Variants in HMCN2 observed in about 807,000 individuals in gnomAD.
HMCN2 encodes hemicentin 2.
In HMCN2, 325 loss-of-function variants were observed where a neutral mutation model predicts 377.5. That is an observed-to-expected ratio of 0.86 (90% confidence interval 0.79 to 0.94). The LOEUF is 0.94. Ranked by LOEUF, HMCN2 falls within the 40% of genes least tolerant of loss-of-function variation. The pLI is 0.00. For synonymous variants in HMCN2, 2,007 were observed against 2,046.8 expected, an observed-to-expected ratio of 0.98 and a Z score of 0.53; for missense variants, 4,543 against 4,725.3, an observed-to-expected ratio of 0.96 and a Z score of 1.13.
chr9:130,354,246 G>C (rs982200572), intron 31 of HMCN2, among the ~76,000 whole-genome samples: 2 of 152,056 alleles, frequency 1.3e-5, no homozygotes, highest in African/African-American at 4.8e-5. Flanking sequence ...TTTCCCCTTT[G>C]GCGTGGCCAC....
At position 130,348,587 on chromosome 9, in the gene HMCN2, C is replaced by T. The variant is rs559611061; in HGVS notation, c.4067C>T (p.Ser1356Leu). The T allele has an allele frequency of 2.4e-4, 313 of 1,303,698 alleles. No individual in the cohort carries two copies. The African/African-American group carries it at 4.4e-3, about 18-fold the overall frequency. The allele number at this position is 1,303,698 out of a possible 1,614,324, so 80.8% of individuals were successfully genotyped here. A position where few individuals can be genotyped will look rare whatever the true frequency, so the allele number is the denominator to read the frequency against. ...GAGGACGGGCGCAAGGCCAACGTGT[C>T]GGGTATGGCCGGGCAGTCCCTGACG... Reference protein sequence around the residue: ...IREDGRKANVSGMAGQSLTLE... With the variant: ...IREDGRKANVLGMAGQSLTLE... Residue 1356 changes from serine (S) to leucine (L), a missense_variant, in exon 27 of 98, where the codon TCG (serine) becomes TTG (leucine). Coordinates refer to ENST00000683500, the MANE Select transcript of HMCN2 (RefSeq NM_001291815.2).
intron 22 of HMCN2, among the ~76,000 whole-genome samples, chr9:130,328,873 A>G (rs2131427757): frequency 6.6e-6 from 1 of 152,274 alleles, no homozygotes; most frequent in African/African-American, 2.4e-5. Context: ...TCCCTTTCGT[A>G]TGATTTCCCT....
chr9:130,289,591 C>T (rs1002374856), intron 4 of HMCN2, among the ~76,000 whole-genome samples: 48 of 152,114 alleles, frequency 3.2e-4, no homozygotes, highest in African/African-American at 1.2e-3. Flanking sequence ...TTAACGAGAG[C>T]CCCTACCTGG....
Position 130,428,634 on chromosome 9 carries a change from G to A in HMCN2, c.14197+145G>A. The A allele has an allele frequency of 8.2e-7, 1 of 1,217,946 alleles. No homozygotes were observed. Among genetic ancestry groups the A allele is most frequent in the Non-Finnish European group, 1.1e-6 (1 of 891,982 alleles). The allele number at this position is 1,217,946 out of a possible 1,614,324, so 75.4% of individuals were successfully genotyped here. Reference sequence around the variant, plus strand: ...TGGCAGAAGGAGTACAGCAAGGCTGGGGACAAAGCCTGCGCCAGGCTCTGG... The same window carrying A: ...TGGCAGAAGGAGTACAGCAAGGCTGAGGACAAAGCCTGCGCCAGGCTCTGG... On this transcript the variant is annotated intron_variant, in intron 93 of 97. Coordinates refer to ENST00000683500, the MANE Select transcript of HMCN2 (RefSeq NM_001291815.2). The surrounding 1 kb of genome is among the most constrained non-coding windows in gnomAD (Gnocchi z 5.0).
At position 130,377,704 on chromosome 9, in the gene HMCN2, T is replaced by A; in HGVS notation, c.8117T>A (p.Ile2706Asn). Reference sequence around the variant, plus strand: ...CTGGGTGAAGGGCGACTGCTCCAGATCCAGCCCACACAGGTCTCAGACTCG... The same window carrying A: ...CTGGGTGAAGGGCGACTGCTCCAGAACCAGCCCACACAGGTCTCAGACTCG... ...QVLGEGRLLQ[I>N]QPTQVSDSGR... is the part of the protein sequence containing the mutation. The change falls in exon 53 of 98, where the codon ATC becomes AAC. Residue 2706 changes from isoleucine to asparagine, a missense_variant. Around this residue, in one of 5 missense-constraint regions of HMCN2, gnomAD observed 736 missense variants for 773.2 expected, o/e 0.95. Transcript: ENST00000683500. 1 of 985,920 alleles carries A rather than the reference T, an allele frequency of 1.0e-6. No homozygotes were observed. The highest frequency in any genetic ancestry group is 4.7e-5 in the South Asian group (1 of 21,290). The allele number at this position is 985,920 out of a possible 1,614,324, so 61.1% of individuals were successfully genotyped here.
chr9:130,402,817 C>G lies in HMCN2; in HGVS notation c.11799C>G (p.Pro3933=). The change falls in exon 78 of 98, where the codon CCC becomes CCG. Residue 3933 remains proline (P), a synonymous_variant. Coordinates refer to ENST00000683500, the MANE Select transcript of HMCN2 (RefSeq NM_001291815.2). ...SGALEIGQAL[P]IHAGRYTCSA... is the part of the protein sequence containing the mutation. ...CCCTGGAGATCGGGCAGGCCCTCCC[C>G]ATCCACGCAGGCCGCTACACCTGCT... is the stretch of plus-strand genomic sequence containing the variant. 7.8e-7 allele frequency: 1 copy of G among 1,289,780 alleles called. No homozygotes were observed. The highest frequency in any genetic ancestry group is 2.3e-5 in the Admixed American group (1 of 43,560). 79.9% of individuals were successfully genotyped at this position (1,289,780 alleles called of 1,614,324 possible).
At chr9:130,420,467 T>C (rs1588434459) in intron 86 of HMCN2, among the ~76,000 whole-genome samples, 2 of 151,628 alleles carry the variant, frequency 1.3e-5, no homozygotes, top group African/African-American at 4.9e-5. Flanking sequence ...GGGCTACTGG[T>C]AAAAAAACAA....
chr9:130,396,112 T>TCTCCCCCCCCC, intron 72 of HMCN2, 47 bp downstream of exon 72: 1 of 314,996 alleles, frequency 3.2e-6, no homozygotes, highest in Non-Finnish European at 3.9e-6. Context: ...TACCCCACCC[T>TCTCCCCCCCCC]GCCCACCCCC....
rs1331958115 is a variant in HMCN2 at position 130,270,516 on chromosome 9, A to G, written c.259+4379A>G. The stretch of plus-strand genomic sequence containing the variant: ...CAGGAGGTCAAGGTTGCAGGGAGCT[A>G]TGATTGTGCCACTGCCCTCCAGCCT... On this transcript the variant is annotated intron_variant, in intron 1 of 97. Coordinates refer to ENST00000683500, the MANE Select transcript of HMCN2 (RefSeq NM_001291815.2). Among the ~76,000 whole-genome samples, 29 of 148,164 alleles carry G rather than the reference A, an allele frequency of 2.0e-4. 2 individuals are homozygous for G. The highest frequency in any genetic ancestry group is 5.4e-4 in the Admixed American group (8 of 14,776).
intron 85 of HMCN2, among the ~76,000 whole-genome samples, chr9:130,418,461 C>T (rs1228588741): frequency 1.3e-5 from 2 of 152,076 alleles, no homozygotes; most frequent in South Asian, 2.1e-4. Flanking sequence ...ATGGGAGGAT[C>T]GCTTGAACCC....
In HMCN2 at chr9:130,423,089, A is replaced by T. The variant is rs1343607454; in HGVS notation, c.13381+363A>T. ...TTTAAGTTAAAGCTCAGGCTGATGGAAGTGGAGGGATCTCCAGTCATGAGT... is the reference window on the plus strand; with the variant it reads ...TTTAAGTTAAAGCTCAGGCTGATGGTAGTGGAGGGATCTCCAGTCATGAGT... On this transcript the variant is annotated intron_variant, in intron 87 of 97. Transcript: ENST00000683500. This position sits in a 1 kb window ranked among gnomAD's most constrained non-coding sequence, Gnocchi z 5.5. Among the ~76,000 whole-genome samples the T allele has an allele frequency of 6.6e-6, 1 of 152,152 alleles. No individual in the cohort carries two copies. The highest frequency in any genetic ancestry group is 6.5e-5 in the Admixed American group (1 of 15,272).
chr9:130,337,687 CTCT>C (rs1483217416), intron 22 of HMCN2, among the ~76,000 whole-genome samples: 2 of 150,786 alleles, frequency 1.3e-5, no homozygotes, highest in East Asian at 2.0e-4. Context: ...TAGTCCAGTG[CTCT>C]TCTTCTCTTA....
intron 60 of HMCN2, among the ~76,000 whole-genome samples, chr9:130,385,966 C>T (rs1231074417): frequency 6.6e-6 from 1 of 152,190 alleles, no homozygotes; most frequent in African/African-American, 2.4e-5. Flanking sequence ...CCAGACCCAG[C>T]CCTGCAGTCA....
intron 1 of HMCN2, among the ~76,000 whole-genome samples, chr9:130,274,164 T>A (rs782337332): frequency 1.3e-5 from 2 of 152,026 alleles, no homozygotes; most frequent in Non-Finnish European, 2.9e-5. Context: ...GCAATTCTCC[T>A]GTCTCAGCTT....
chr9:130,289,646 C>T lies in HMCN2; in HGVS notation c.612+3336C>T, dbSNP rs188394367. Among the ~76,000 whole-genome samples, 12 of 152,268 alleles carry T rather than the reference C, an allele frequency of 7.9e-5. No individual in the cohort carries two copies. In the East Asian group the frequency reaches 9.7e-4, roughly 12 times the overall value. The stretch of plus-strand genomic sequence containing the variant: ...AGAGGAAGCCCTTGGTAAGAGTTCA[C>T]GATGGCTAAATGCCATCCCACCCCC... On this transcript the variant is annotated intron_variant, in intron 4 of 97. Transcript: ENST00000683500.
In HMCN2 at chr9:130,299,137, G is replaced by A. The variant is rs534664307; in HGVS notation, c.1125G>A (p.Lys375=). The change falls in exon 8 of 98, where the codon AAG becomes AAA. Residue 375 remains lysine, a synonymous_variant. Transcript: ENST00000683500. The part of the protein sequence containing the change: ...SGKPLLTLPT[K]PLSNGSTHQL... The stretch of plus-strand genomic sequence containing the variant: ...AGCCCCTCCTGACTCTGCCCACGAA[G>A]CCCCTCTCCAATGGCTCCACCCATC... The A allele has an allele frequency of 1.3e-5, 6 of 471,262 alleles. No homozygotes were observed. Among genetic ancestry groups the A allele is most frequent in the South Asian group, 7.7e-5 (5 of 64,578 alleles). 29.2% of individuals were successfully genotyped at this position (471,262 alleles called of 1,614,324 possible).
chr9:130,348,338 G>C, intron 26 of HMCN2: 1 of 639,716 alleles, frequency 1.6e-6, no homozygotes, highest in Non-Finnish European at 1.9e-6. Flanking sequence ...ACCTGGGCCT[G>C]GGCACGACTG....
chr9:130,369,982 T>A lies in HMCN2; in HGVS notation c.7069+131T>A. On this transcript the variant is annotated intron_variant, in intron 45 of 97. Transcript: ENST00000683500. This position sits in a 1 kb window ranked among gnomAD's most constrained non-coding sequence, Gnocchi z 4.5. ...CCTGTTCTTTCTGGAGTCAGGGCTC[T>A]AATGAGAGCTGCTGGTGGGGGGAGC... 1 of 431,334 alleles carries A rather than the reference T, an allele frequency of 2.3e-6. No homozygotes were observed. Among genetic ancestry groups the A allele is most frequent in the Non-Finnish European group, 3.1e-6 (1 of 323,462 alleles). 26.7% of individuals were successfully genotyped at this position (431,334 alleles called of 1,614,324 possible). A position where few individuals can be genotyped will look rare whatever the true frequency, so the allele number is the denominator to read the frequency against.
chr9:130,348,303 A>G (rs1048441376), intron 26 of HMCN2, among the ~76,000 whole-genome samples: 15 of 152,354 alleles, frequency 9.8e-5, no homozygotes. Flanking sequence ...AGCACCTTGC[A>G]AAGCTGAGAG....
Sources: allele counts gnomAD v4.1 joint callset (sites outside exome capture counted in the v4.1 genomes callset), GRCh38; gene constraint gnomAD v4.1.1; regional missense constraint gnomAD v4.1.1; non-coding constraint Gnocchi (gnomAD v3.1); transcripts MANE v1.5; gene names NCBI Gene and HGNC (gene_info 2026-07-23, HGNC 2026-07-21).